AFAP1: variants seen among roughly 807,000 people sequenced by gnomAD.
The protein encoded by AFAP1 is actin filament-associated protein 1.
Under a neutral mutation model 93.9 loss-of-function variants are expected in AFAP1, and 75 were observed. The ratio of observed to expected loss-of-function variants is 0.80; its 90% confidence interval spans 0.66 to 0.97. The LOEUF (loss-of-function observed/expected upper bound fraction) is 0.97, where lower values mean the gene tolerates loss of function less well. AFAP1 is among the 50% of genes least tolerant of loss of function. The probability of loss-of-function intolerance (pLI) is 0.00; values close to 1 mark genes in which losing one functional copy is unlikely to be tolerated. For missense variants in AFAP1, 1,201 were observed against 1,050.8 expected (o/e 1.14, Z -1.98); for synonymous variants, 517 against 430.7 (o/e 1.20, Z -2.48).
Position 7,830,298 on chromosome 4 carries a change from G to A in AFAP1, c.726+8226C>T, listed in dbSNP as rs968024049. 1.1e-4 allele frequency among the ~76,000 whole-genome samples: 6 copies of A among 52,908 alleles called. No homozygotes were observed. In the South Asian group the frequency reaches 2.2e-3, roughly 19 times the overall value. 34.7% of individuals were successfully genotyped at this position (52,908 alleles called of 152,430 possible). ...AATAATCTTGGAAGACAATCTGGCA[G>A]AGTTGGTGATGCTGAAGGTGTGCAC... On this transcript the variant is annotated intron_variant, in intron 6 of 17. Transcript: ENST00000420658.
At chr4:7,896,051 G>A (rs1210334729) in intron 1 of AFAP1, among the ~76,000 whole-genome samples, 1 of 151,854 alleles carries the variant, frequency 6.6e-6, no homozygotes, top group Admixed American at 6.6e-5. Context: ...AGTAGAGACT[G>A]GGTTTCTCCA....
intron 2 of AFAP1, among the ~76,000 whole-genome samples, chr4:7,870,517 T>C (rs1716928740): frequency 3.9e-5 from 6 of 152,088 alleles, no homozygotes; most frequent in Non-Finnish European, 8.8e-5. Context: ...TAGCTGGGTG[T>C]TGTGGTGTGC....
chr4:7,764,132 GAC>G (rs1352610751), intron 17 of AFAP1, among the ~76,000 whole-genome samples: 4 of 152,242 alleles, frequency 2.6e-5, no homozygotes, highest in Admixed American at 1.3e-4. Context: ...AGGGCCTTCT[GAC>G]ACACGCTGCA....
At chr4:7,795,213 A>G (rs1054612004) in intron 10 of AFAP1, among the ~76,000 whole-genome samples, 1 of 152,104 alleles carries the variant, frequency 6.6e-6, no homozygotes, top group Non-Finnish European at 1.5e-5. Flanking sequence ...CATATAACAA[A>G]TCATTACTAA....
chr4:7,777,946 C>T (rs555630861), intron 14 of AFAP1: 3 of 152,410 alleles, frequency 2.0e-5, no homozygotes, highest in South Asian at 4.1e-4. Flanking sequence ...AACACCAATA[C>T]AAACACTTAA....
At chr4:7,894,159 C>CCA (rs1718634816) in intron 1 of AFAP1, among the ~76,000 whole-genome samples, 1 of 152,174 alleles carries the variant, frequency 6.6e-6, no homozygotes, top group South Asian at 2.1e-4. Flanking sequence ...CCTCAACCAT[C>CCA]CACAGCAGGG....
In AFAP1 at chr4:7,818,430, G is replaced by T. The variant is rs555284245; in HGVS notation, c.822+646C>A. Among the ~76,000 whole-genome samples the T allele has an allele frequency of 3.4e-3, 511 of 152,298 alleles. 4 individuals carry two copies. Among genetic ancestry groups the T allele is most frequent in the South Asian group, 0.014 (68 of 4,830 alleles). Reference sequence around the variant, plus strand: ...GGGATCTGTCTCTTCAATGGCAGGAGGTTAGAGAGGGAGGGCTCAGAAAGT... The same window carrying T: ...GGGATCTGTCTCTTCAATGGCAGGATGTTAGAGAGGGAGGGCTCAGAAAGT... On this transcript the variant is annotated intron_variant, in intron 7 of 17. Coordinates refer to ENST00000420658, the MANE Select transcript of AFAP1 (RefSeq NM_001134647.2).
Position 7,761,864 on chromosome 4 carries a change from G to T in AFAP1, c.*1901C>A, listed in dbSNP as rs902231279. The T allele has an allele frequency of 3.9e-5, 6 of 152,378 alleles. No homozygotes were observed. In the East Asian group the frequency reaches 1.2e-3, roughly 29 times the overall value. The allele number at this position is 152,378 out of a possible 1,614,324, so 9.4% of individuals were successfully genotyped here. Reference sequence around the variant, plus strand: ...GAGGGCTCCTCTATGGCAATGCAGCGGACGGCCCTGAGGTGTGTGGCGTCC... The same window carrying T: ...GAGGGCTCCTCTATGGCAATGCAGCTGACGGCCCTGAGGTGTGTGGCGTCC... On this transcript the variant is annotated 3_prime_UTR_variant, in exon 18 of 18. Transcript: ENST00000420658.
intron 9 of AFAP1, among the ~76,000 whole-genome samples, chr4:7,804,538 T>G (rs369657987): frequency 6.6e-6 from 1 of 152,186 alleles, no homozygotes; most frequent in Middle Eastern, 3.4e-3. Context: ...AAAATACAGA[T>G]GGAGGGGAAC....
chr4:7,869,279 A>T lies in AFAP1; in HGVS notation c.128-560T>A, dbSNP rs115982944. ...GTGTAAGAAATGAATGAAAGCACTC[A>T]TAGATGGAAATGGCGGCACTAGTGC... On this transcript the variant is annotated intron_variant, in intron 2 of 17. Transcript: ENST00000420658. 3.5e-3 allele frequency among the ~76,000 whole-genome samples: 535 copies of T among 152,322 alleles called. 3 individuals carry two copies. The highest frequency in any genetic ancestry group is 0.012 in the African/African-American group (509 of 41,570).
intron 13 of AFAP1, 141 bp from the exon 14 acceptor site, chr4:7,779,017 A>G (rs1015521306): frequency 2.9e-5 from 19 of 649,088 alleles, no homozygotes; most frequent in South Asian, 2.0e-4. Flanking sequence ...CGAAAGTGAA[A>G]GAAAACCAAG....
chr4:7,891,857 C>A (rs1005555829), intron 1 of AFAP1, among the ~76,000 whole-genome samples: 1 of 150,690 alleles, frequency 6.6e-6, no homozygotes, highest in Non-Finnish European at 1.5e-5. Flanking sequence ...ACAAGACCAG[C>A]GTGGCCAACA....
intron 15 of AFAP1, chr4:7,774,429 A>G (rs1007485574): frequency 2.6e-5 from 9 of 343,812 alleles, no homozygotes; most frequent in African/African-American, 1.9e-4. Flanking sequence ...TACAGGGGCC[A>G]TCCTCCAGAC....
At chr4:7,926,173 T>C (rs1017416897) in intron 1 of AFAP1, among the ~76,000 whole-genome samples, 11 of 152,206 alleles carry the variant, frequency 7.2e-5, no homozygotes, top group Admixed American at 2.6e-4. Context: ...TTTTGATTTT[T>C]CAACTTAGGT....
chr4:7,861,816 C>T (rs916812241), intron 3 of AFAP1, among the ~76,000 whole-genome samples: 18 of 152,254 alleles, frequency 1.2e-4, no homozygotes, highest in African/African-American at 4.3e-4. Flanking sequence ...TCACATCCAC[C>T]AAAGGGTCAC....
Position 7,939,849 on chromosome 4 carries a change from G to T in AFAP1, c.-196C>A, listed in dbSNP as rs898204774. On this transcript the variant is annotated 5_prime_UTR_variant, in exon 1 of 18. Coordinates refer to ENST00000420658, the MANE Select transcript of AFAP1 (RefSeq NM_001134647.2). This position sits in a 1 kb window ranked among gnomAD's most constrained non-coding sequence, Gnocchi z 5.6. ...GGAGCTGCAGCCGGCGTGGGGCTGC[G>T]GCCGGGACAGACACCACGCAGGCGC... 3.0e-5 allele frequency: 8 copies of T among 263,814 alleles called. No homozygotes were observed. The highest frequency in any genetic ancestry group is 5.9e-5 in the Non-Finnish European group (8 of 136,660). 16.3% of individuals were successfully genotyped at this position (263,814 alleles called of 1,614,324 possible).
At chr4:7,785,795 G>C (rs1560156634) in intron 12 of AFAP1, among the ~76,000 whole-genome samples, 1 of 152,022 alleles carries the variant, frequency 6.6e-6, no homozygotes, top group East Asian at 1.9e-4. Context: ...CAAATGAGTG[G>C]GATGTGGTGG....
chr4:7,831,097 G>A (rs745689813), intron 6 of AFAP1, among the ~76,000 whole-genome samples: 7 of 152,130 alleles, frequency 4.6e-5, no homozygotes, highest in African/African-American at 7.2e-5. Flanking sequence ...GAATCACTGG[G>A]AATCAATGTT....
At position 7,759,442 on chromosome 4, in the gene AFAP1, T is replaced by C. The variant is rs1309484739; in HGVS notation, c.*4323A>G. The C allele has an allele frequency of 3.3e-5, 5 of 152,642 alleles. No homozygotes were observed. The highest frequency in any genetic ancestry group is 1.2e-4 in the African/African-American group (5 of 41,444). The allele number at this position is 152,642 out of a possible 1,614,324, so 9.5% of individuals were successfully genotyped here. A position where few individuals can be genotyped will look rare whatever the true frequency, so the allele number is the denominator to read the frequency against. ...CTGCTATGGCTTGGGGACTCACGAA[T>C]AGAGGTGACTGCTTTTTCTGCAGTG... is the stretch of plus-strand genomic sequence containing the variant. On this transcript the variant is annotated 3_prime_UTR_variant, in exon 18 of 18. Transcript: ENST00000420658.
Sources: gnomAD v4.1 joint callset for allele counts (sites outside exome capture counted in the v4.1 genomes callset) on GRCh38, gnomAD v4.1.1 for gene constraint, Gnocchi (gnomAD v3.1) non-coding constraint, MANE v1.5 for transcripts, NCBI Gene and HGNC (gene_info 2026-07-23, HGNC 2026-07-21) for gene names.